TRAF3IP3: variants seen among roughly 807,000 people sequenced by gnomAD.
The protein encoded by TRAF3IP3 is TRAF3-interacting JNK-activating modulator.
A neutral mutation model predicts 86.5 loss-of-function variants in TRAF3IP3; 64 were observed. That is an observed-to-expected ratio of 0.74 (90% CI 0.60 to 0.91). The LOEUF (loss-of-function observed/expected upper bound fraction) is 0.91. Ranked by LOEUF, TRAF3IP3 falls within the 40% of genes least tolerant of loss-of-function variation. The pLI is 0.00. For missense variants in TRAF3IP3, 579 were observed against 642.9 expected (o/e 0.90, Z 1.07); for synonymous variants, 220 against 243.9 (o/e 0.90, Z 0.91).
intron 8 of TRAF3IP3, among the ~76,000 whole-genome samples, chr1:209,765,705 A>G (rs1175684052): frequency 2.0e-5 from 3 of 152,196 alleles, no homozygotes; most frequent in Non-Finnish European, 4.4e-5. Context: ...TTTCAAAAAC[A>G]AAATTAGTGA....
intron 8 of TRAF3IP3, among the ~76,000 whole-genome samples, chr1:209,770,242 C>T (rs947673407): frequency 6.6e-6 from 1 of 152,228 alleles, no homozygotes; most frequent in Non-Finnish European, 1.5e-5. Context: ...GCTTTAATAT[C>T]TCTCCGTTTC....
At chr1:209,779,451 T>G in intron 14 of TRAF3IP3, 77 bp downstream of exon 14, 3 of 1,288,178 alleles carry the variant, frequency 2.3e-6, no homozygotes, top group Non-Finnish European at 2.3e-6. Context: ...ATGGACTACA[T>G]GACCTCCTGG....
At chr1:209,763,321 G>A (rs2077281519) in intron 6 of TRAF3IP3, 42 bp from the exon 7 acceptor site, 7 of 1,606,266 alleles carry the variant, frequency 4.4e-6, no homozygotes, top group Non-Finnish European at 6.0e-6. Flanking sequence ...GGGTTTCAGG[G>A]GACTTACAGA....
Position 209,764,357 on chromosome 1 carries a change from GA to G in TRAF3IP3, c.702+771del, listed in dbSNP as rs556592613. Among the ~76,000 whole-genome samples the G allele has an allele frequency of 2.0e-5, 3 of 152,300 alleles. No individual in the cohort carries two copies. The South Asian group carries it at 6.2e-4, about 32-fold the overall frequency. On this transcript the variant is annotated intron_variant, in intron 8 of 16. Transcript: ENST00000367025. ...ATACAAGAAGGAATGAGTGACTCCA[GA>G]GAAGAAAAGAGCCAGGGGAATACTT...
intron 8 of TRAF3IP3, among the ~76,000 whole-genome samples, chr1:209,772,475 T>G (rs536204033): frequency 2.0e-5 from 3 of 152,246 alleles, no homozygotes; most frequent in Admixed American, 6.5e-5. Context: ...GTTGAGGAGA[T>G]ATAAATGAGC....
intron 9 of TRAF3IP3, among the ~76,000 whole-genome samples, chr1:209,774,563 A>G (rs990488512): frequency 2.6e-5 from 4 of 152,244 alleles, no homozygotes; most frequent in African/African-American, 9.6e-5. Flanking sequence ...AAGAAGCTAC[A>G]TGGGTAAAGG....
chr1:209,770,002 T>C (rs1367636128), intron 8 of TRAF3IP3, among the ~76,000 whole-genome samples: 1 of 152,090 alleles, frequency 6.6e-6, no homozygotes, highest in African/African-American at 2.4e-5. Context: ...AAGGGGCAAG[T>C]CTACAAAGGG....
intron 8 of TRAF3IP3, chr1:209,768,083 C>T: frequency 1.1e-6 from 1 of 942,876 alleles, no homozygotes; most frequent in Non-Finnish European, 1.3e-6. Context: ...ATTCAACTCT[C>T]TATCTCTTCC....
At chr1:209,773,138 C>T (rs2077581427) in intron 9 of TRAF3IP3, 119 bp downstream of exon 9, 1 of 838,232 alleles carries the variant, frequency 1.2e-6, no homozygotes, top group Non-Finnish European at 1.8e-6. Flanking sequence ...ACACCCATTC[C>T]TACTTACCCA....
intron 1 of TRAF3IP3, 57 bp from the exon 2 acceptor site, chr1:209,758,977 C>G (rs2077200133): frequency 6.6e-6 from 1 of 152,326 alleles, no homozygotes; most frequent in South Asian, 2.1e-4. Flanking sequence ...TACACCAAGC[C>G]TGGCTCCCTG....
chr1:209,772,050 C>A (rs1558022898), intron 8 of TRAF3IP3, among the ~76,000 whole-genome samples: 1 of 138,146 alleles, frequency 7.2e-6, no homozygotes, highest in East Asian at 2.4e-4. Context: ...TGTGTGTGCA[C>A]ATGTGAAGGT....
intron 16 of TRAF3IP3, chr1:209,781,748 G>A (rs1224131377): frequency 6.2e-6 from 3 of 483,666 alleles, no homozygotes; most frequent in East Asian, 7.3e-5. Flanking sequence ...AAGAACAGAA[G>A]GACACAAAAG....
intron 3 of TRAF3IP3, 129 bp from the exon 4 acceptor site, chr1:209,762,386 T>C: frequency 1.1e-6 from 1 of 898,200 alleles, no homozygotes; most frequent in South Asian, 4.0e-5. Flanking sequence ...CACACAGATT[T>C]GGGCGGGGGG....
Position 209,775,593 on chromosome 1 carries a change from C to T in TRAF3IP3, c.916-6C>T. ...CTGGAGCCCTCTCCTCTCTGATCTCCCTCAGCGATCCCTGGCCCTGGCAGA... is the reference window on the plus strand; with the variant it reads ...CTGGAGCCCTCTCCTCTCTGATCTCTCTCAGCGATCCCTGGCCCTGGCAGA... On this transcript the variant is annotated splice_region_variant and splice_polypyrimidine_tract_variant and intron_variant, in intron 10 of 16. Coordinates refer to ENST00000367025, the MANE Select transcript of TRAF3IP3 (RefSeq NM_025228.4). 6.2e-7 allele frequency: 1 copy of T among 1,614,100 alleles called. No individual in the cohort carries two copies. Among genetic ancestry groups the T allele is most frequent in the South Asian group, 1.1e-5 (1 of 91,070 alleles).
chr1:209,772,791 C>G (rs2077574400), intron 8 of TRAF3IP3, among the ~76,000 whole-genome samples, 157 bp from the exon 9 acceptor site: 1 of 152,214 alleles, frequency 6.6e-6, no homozygotes, highest in African/African-American at 2.4e-5. Flanking sequence ...CCTCTTCTAT[C>G]CAGCATCCTT....
intron 9 of TRAF3IP3, among the ~76,000 whole-genome samples, chr1:209,773,310 C>A (rs1298134195): frequency 6.6e-6 from 1 of 152,216 alleles, no homozygotes; most frequent in African/African-American, 2.4e-5. Context: ...ATACCTGACA[C>A]TGTAGGGGAA....
At chr1:209,771,460 AAGGTGTGCGTGTGCATATGG>A (rs2077520204) in intron 8 of TRAF3IP3, among the ~76,000 whole-genome samples, 128 of 62,210 alleles carry the variant, frequency 2.1e-3, no homozygotes, top group African/African-American at 7.9e-3. Flanking sequence ...TGTGCATGTG[AAGGTGTGCGTGTGCATATGG>A]AGGTGTGCGT....
intron 8 of TRAF3IP3, among the ~76,000 whole-genome samples, chr1:209,770,908 G>A (rs560818323): frequency 0.01 from 1,462 of 140,862 alleles, 23 homozygotes; most frequent in African/African-American, 0.037. Flanking sequence ...GAAGGTGTGC[G>A]TGTGCAGGTG....
Position 209,768,695 on chromosome 1 carries a change from T to A in TRAF3IP3, c.703-4253T>A, listed in dbSNP as rs560371581. ...GCCTCCGCCTTGCTCCTCTCTTCAC[T>A]GGGGTTTATATGCCCTCTGAGCCCT... On this transcript the variant is annotated intron_variant, in intron 8 of 16. Coordinates refer to ENST00000367025, the MANE Select transcript of TRAF3IP3 (RefSeq NM_025228.4). 19 of 985,540 alleles carry A rather than the reference T, an allele frequency of 1.9e-5. No individual in the cohort carries two copies. In the South Asian group the frequency reaches 7.5e-4, roughly 39 times the overall value. 61.0% of individuals were successfully genotyped at this position (985,540 alleles called of 1,614,324 possible).
Sources: gnomAD v4.1 joint callset for allele counts (sites outside exome capture counted in the v4.1 genomes callset) on GRCh38, gnomAD v4.1.1 for gene constraint, MANE v1.5 for transcripts, NCBI Gene and HGNC (gene_info 2026-07-23, HGNC 2026-07-21) for gene names.